COL27A1: variants seen among roughly 807,000 people sequenced by gnomAD.
COL27A1 encodes collagen alpha-1(XXVII) chain.
In COL27A1, 106 loss-of-function variants were observed where a neutral mutation model predicts 251.3. The ratio of observed to expected loss-of-function variants is 0.42; its 90% CI spans 0.36 to 0.50. COL27A1 has a LOEUF of 0.50. Among genes scored for constraint, COL27A1 ranks in the 20% least tolerant of loss-of-function variants. The pLI, the probability that COL27A1 is intolerant of heterozygous loss-of-function variation, is 0.00. For missense variants in COL27A1, 2,325 were observed against 2,522.8 expected, an observed-to-expected ratio of 0.92 and a Z score of 1.68; for synonymous variants, 1,000 against 986.3, an observed-to-expected ratio of 1.01 and a Z score of -0.26.
intron 28 of COL27A1, among the ~76,000 whole-genome samples, chr9:114,260,552 T>C (rs1056456508): frequency 6.6e-6 from 1 of 152,200 alleles, no homozygotes; most frequent in Non-Finnish European, 1.5e-5. Context: ...CCACGGGGAA[T>C]GGGCCTGGAG....
chr9:114,241,341 C>A (rs915382482), intron 21 of COL27A1, among the ~76,000 whole-genome samples: 2 of 152,266 alleles, frequency 1.3e-5, no homozygotes, highest in African/African-American at 4.8e-5. Flanking sequence ...GATCCCTTCT[C>A]GGGCTGGCTC....
chr9:114,191,993 T>C (rs985061932), intron 5 of COL27A1, among the ~76,000 whole-genome samples: 1 of 152,218 alleles, frequency 6.6e-6, no homozygotes, highest in African/African-American at 2.4e-5. Flanking sequence ...TTCCCCACCA[T>C]GGCATTCCCT....
intron 1 of COL27A1, 78 bp from the exon 2 acceptor site, chr9:114,162,637 C>A: frequency 9.1e-7 from 1 of 1,102,892 alleles, no homozygotes; most frequent in Non-Finnish European, 1.4e-6. Flanking sequence ...CTGGTTTCCA[C>A]TCCCAGCTTC....
chr9:114,195,732 T>C (rs969065381), intron 6 of COL27A1, among the ~76,000 whole-genome samples: 1 of 152,172 alleles, frequency 6.6e-6, no homozygotes. Flanking sequence ...AAGCCCAGTA[T>C]GTAAAATAGA....
chr9:114,211,018 G>A lies in COL27A1; in HGVS notation c.2359G>A (p.Gly787Ser). Residue 787 changes from glycine (G) to serine (S), a missense_variant, in exon 12 of 61, where the codon GGT becomes AGT. By Grantham distance (56) the Gly-to-Ser change is moderately conservative. This residue lies in a region of COL27A1 where 1,183 missense variants were observed against 1,144.1 expected (regional missense o/e 1.03). Transcript: ENST00000356083. ...CGTTCCTGGCAAGAGGGGCAAGATG[G>A]GTATGCCGGTAAAGATTTTCCGTGT... ...PGVPGKRGKM[G>S]MPGFPGVFGE... 8 of 1,614,200 alleles carry A rather than the reference G, an allele frequency of 5.0e-6. No individual in the cohort carries two copies. The highest frequency in any genetic ancestry group is 6.8e-6 in the Non-Finnish European group (8 of 1,180,008).
intron 56 of COL27A1, among the ~76,000 whole-genome samples, chr9:114,302,443 G>A (rs1325279441): frequency 6.6e-6 from 1 of 152,140 alleles, no homozygotes; most frequent in Admixed American, 6.5e-5. Flanking sequence ...AAAGAGAGTT[G>A]GGGCCGGGCG....
At chr9:114,284,924 A>C (rs1588871202) in intron 41 of COL27A1, 147 bp downstream of exon 41, 1 of 806,872 alleles carries the variant, frequency 1.2e-6, no homozygotes. Flanking sequence ...GGCTGGTGTC[A>C]CTGCCACTGT....
At chr9:114,186,664 T>C (rs1443931771) in intron 5 of COL27A1, among the ~76,000 whole-genome samples, 1 of 152,140 alleles carries the variant, frequency 6.6e-6, no homozygotes, top group Non-Finnish European at 1.5e-5. Flanking sequence ...GCAACAGGCC[T>C]GGTAGTTTGC....
At chr9:114,222,326 A>T (rs916885647) in intron 14 of COL27A1, 59 bp downstream of exon 14, 39 of 1,508,764 alleles carry the variant, frequency 2.6e-5, no homozygotes, top group Non-Finnish European at 3.5e-5. Context: ...GGGTGGAGCC[A>T]GCGTGTGGGG....
chr9:114,175,787 T>C (rs1360239462), intron 3 of COL27A1, among the ~76,000 whole-genome samples: 1 of 152,212 alleles, frequency 6.6e-6, no homozygotes, highest in Admixed American at 6.5e-5. Flanking sequence ...CGGAGCCTGT[T>C]CCTCCCCGGA....
At chr9:114,228,590 C>T (rs546577889) in intron 14 of COL27A1, among the ~76,000 whole-genome samples, 6 of 152,316 alleles carry the variant, frequency 3.9e-5, no homozygotes, top group African/African-American at 7.2e-5. Context: ...GCCCCGACTC[C>T]GTGATATCGC....
intron 21 of COL27A1, 143 bp downstream of exon 21, chr9:114,240,630 C>A: frequency 4.2e-6 from 3 of 716,050 alleles, no homozygotes; most frequent in Non-Finnish European, 6.9e-6. Flanking sequence ...GACTTACCCA[C>A]CAGCTCATCC....
chr9:114,269,743 G>T (rs1167528200), intron 35 of COL27A1, among the ~76,000 whole-genome samples: 1 of 152,054 alleles, frequency 6.6e-6, no homozygotes, highest in African/African-American at 2.4e-5. Context: ...GGCACAAGGA[G>T]CACAGCAGTG....
chr9:114,235,892 T>C (rs1832359827), intron 17 of COL27A1, among the ~76,000 whole-genome samples: 1 of 152,180 alleles, frequency 6.6e-6, no homozygotes, highest in Admixed American at 6.5e-5. Context: ...TCTTCTTTAC[T>C]GCTACCCAGT....
intron 21 of COL27A1, among the ~76,000 whole-genome samples, chr9:114,241,653 C>CA (rs1832764564): frequency 1.3e-5 from 2 of 152,224 alleles, no homozygotes; most frequent in Non-Finnish European, 2.9e-5. Context: ...TTGTTCACAT[C>CA]TTCATTCATT....
chr9:114,298,397 T>A (rs778632905), intron 49 of COL27A1, among the ~76,000 whole-genome samples: 2 of 152,190 alleles, frequency 1.3e-5, no homozygotes, highest in African/African-American at 4.8e-5. Flanking sequence ...TAGCCAAAAT[T>A]TTGATCTTTA....
intron 5 of COL27A1, among the ~76,000 whole-genome samples, chr9:114,192,249 G>A (rs1828798125): frequency 6.6e-6 from 1 of 152,200 alleles, no homozygotes; most frequent in East Asian, 1.9e-4. Context: ...AGCTTGTTAA[G>A]CCCAGCTCCT....
intron 22 of COL27A1, 51 bp downstream of exon 22, chr9:114,242,282 TG>T (rs1456675294): frequency 6.5e-7 from 1 of 1,532,904 alleles, no homozygotes; most frequent in Non-Finnish European, 8.9e-7. Context: ...CTGAGCCAGC[TG>T]TGCACAGGCA....
chr9:114,155,930 A>C lies in COL27A1; in HGVS notation c.-21A>C, dbSNP rs1426722147. On this transcript the variant is annotated 5_prime_UTR_variant, in exon 1 of 61. Coordinates refer to ENST00000356083, the MANE Select transcript of COL27A1 (RefSeq NM_032888.4). The surrounding 1 kb of genome is among the most constrained non-coding windows in gnomAD (Gnocchi z 5.5). ...CCCACACTTGCCCCCCGGGCTCGGGAGCATGAAGTAGGGGCCTGCCATGGG... is the reference window on the plus strand; with the variant it reads ...CCCACACTTGCCCCCCGGGCTCGGGCGCATGAAGTAGGGGCCTGCCATGGG... 3.2e-6 allele frequency: 4 copies of C among 1,241,204 alleles called. No individual in the cohort carries two copies. Among genetic ancestry groups the C allele is most frequent in the Non-Finnish European group, 3.0e-6 (3 of 989,126 alleles). The allele number at this position is 1,241,204 out of a possible 1,614,324, so 76.9% of individuals were successfully genotyped here.
Sources: gnomAD v4.1 joint callset for allele counts (sites outside exome capture counted in the v4.1 genomes callset) on GRCh38, gnomAD v4.1.1 for gene constraint, gnomAD v4.1.1 regional missense constraint, Gnocchi (gnomAD v3.1) non-coding constraint, MANE v1.5 for transcripts, NCBI Gene and HGNC (gene_info 2026-07-23, HGNC 2026-07-21) for gene names.